Variants in PRKG1 observed in about 807,000 individuals in gnomAD.
PRKG1 encodes the protein protein kinase cGMP-dependent 1.
PRKG1 carries 35 observed loss-of-function variants against 88.1 expected under a neutral mutation model. The observed-to-expected ratio is 0.40, with a 90% CI of 0.30 to 0.53. The LOEUF is 0.53. Among genes scored for constraint, PRKG1 ranks in the 20% least tolerant of loss-of-function variants. The pLI is 0.59. For synonymous variants in PRKG1, 303 were observed against 292.5 expected (o/e 1.04, Z -0.37); for missense variants, 540 against 839.8 (o/e 0.64, Z 4.41).
chr10:51,766,230 C>T (rs182815703), intron 3 of PRKG1, among the ~76,000 whole-genome samples: 35 of 152,184 alleles, frequency 2.3e-4, no homozygotes, highest in Middle Eastern at 3.4e-3. Context: ...TTAAATACGA[C>T]GCTTTTATAA....
At chr10:51,973,575 A>G (rs769171758) in intron 5 of PRKG1, among the ~76,000 whole-genome samples, 78 of 152,154 alleles carry the variant, frequency 5.1e-4, no homozygotes, top group Non-Finnish European at 7.1e-4. Flanking sequence ...ATTAGTTGCA[A>G]TGTTCCTCCA....
At chr10:52,269,666 T>G (rs986235280) in intron 10 of PRKG1, among the ~76,000 whole-genome samples, 1 of 152,136 alleles carries the variant, frequency 6.6e-6, no homozygotes, top group Non-Finnish European at 1.5e-5. Flanking sequence ...GCATGCCATG[T>G]TATTTCCCCA....
At chr10:51,246,245 C>T (rs894529136) in intron 2 of PRKG1, among the ~76,000 whole-genome samples, 3 of 151,988 alleles carry the variant, frequency 2.0e-5, no homozygotes, top group East Asian at 1.9e-4. Context: ...CATTTATAAA[C>T]GAGTCCAAAG....
intron 9 of PRKG1, among the ~76,000 whole-genome samples, chr10:52,239,152 C>G (rs1287282288): frequency 4.4e-4 from 44 of 100,722 alleles, no homozygotes; most frequent in South Asian, 2.4e-3. Flanking sequence ...AGGGGAATAT[C>G]ACACTCTGGG....
At chr10:51,663,510 G>A (rs575826943) in intron 3 of PRKG1, among the ~76,000 whole-genome samples, 15 of 151,496 alleles carry the variant, frequency 9.9e-5, no homozygotes, top group Admixed American at 2.6e-4. Flanking sequence ...TTTAAGAGCC[G>A]CTTGGACAAC....
At chr10:51,398,993 G>A (rs7073390) in intron 2 of PRKG1, among the ~76,000 whole-genome samples, 36,211 of 151,988 alleles carry the variant, frequency 0.24, 4,743 homozygotes, top group African/African-American at 0.32. Flanking sequence ...GATTCAGACT[G>A]CAACTATACC....
chr10:51,628,117 T>TCC lies in PRKG1; in HGVS notation c.592+160281_592+160282insCC, dbSNP rs1589143200. The stretch of plus-strand genomic sequence containing the variant: ...CCTTCCCTTTCTTTCTTTCCTTCTT[T>TCC]ATTTCTCTTTCTTTCTTTCTTTCTT... On this transcript the variant is annotated intron_variant, in intron 3 of 17. Coordinates refer to ENST00000373980, the MANE Select transcript of PRKG1 (RefSeq NM_006258.4). Among the ~76,000 whole-genome samples the TCC allele has an allele frequency of 3.2e-5, 4 of 125,048 alleles. No individual in the cohort carries two copies. The East Asian group carries it at 6.8e-4, about 21-fold the overall frequency. The allele number at this position is 125,048 out of a possible 152,430, so 82.0% of individuals were successfully genotyped here.
intron 2 of PRKG1, among the ~76,000 whole-genome samples, chr10:51,397,588 C>T (rs1478420426): frequency 2.0e-5 from 3 of 152,120 alleles, no homozygotes; most frequent in Admixed American, 2.0e-4. Context: ...TTTTTTCTGA[C>T]CTCCTTTGAC....
At chr10:51,882,167 C>A (rs1227998769) in intron 4 of PRKG1, among the ~76,000 whole-genome samples, 1 of 152,158 alleles carries the variant, frequency 6.6e-6, no homozygotes, top group Non-Finnish European at 1.5e-5. Context: ...AACTTAGGAA[C>A]AAAAGGAGCT....
intron 9 of PRKG1, among the ~76,000 whole-genome samples, chr10:52,192,221 TA>T (rs1012530171): frequency 1.3e-5 from 2 of 152,154 alleles, no homozygotes; most frequent in Non-Finnish European, 2.9e-5. Context: ...TAGTTGCCAG[TA>T]ACTCCCTTGT....
chr10:51,950,594 T>A (rs1843158951), intron 5 of PRKG1, among the ~76,000 whole-genome samples: 1 of 152,246 alleles, frequency 6.6e-6, no homozygotes, highest in African/African-American at 2.4e-5. Context: ...GCAAGCTTCA[T>A]GTGGGGCCTG....
intron 3 of PRKG1, among the ~76,000 whole-genome samples, chr10:51,706,769 A>G (rs183125247): frequency 5.9e-5 from 9 of 152,278 alleles, no homozygotes; most frequent in Admixed American, 3.9e-4. Flanking sequence ...CATTGTACAA[A>G]TTACTTCGCC....
chr10:51,229,934 A>AG (rs1838793181), intron 2 of PRKG1, among the ~76,000 whole-genome samples: 1 of 141,112 alleles, frequency 7.1e-6, no homozygotes, highest in Middle Eastern at 3.3e-3. Context: ...CTCAAAAAAA[A>AG]AAAAAAAAAA....
intron 9 of PRKG1, among the ~76,000 whole-genome samples, chr10:52,229,242 A>G (rs1233139684): frequency 6.6e-6 from 1 of 152,258 alleles, no homozygotes; most frequent in African/African-American, 2.4e-5. Flanking sequence ...TTATCAAAAG[A>G]GTATTCAAAA....
chr10:51,737,540 G>C (rs1837310604), intron 3 of PRKG1, among the ~76,000 whole-genome samples: 1 of 151,932 alleles, frequency 6.6e-6, no homozygotes, highest in Non-Finnish European at 1.5e-5. Flanking sequence ...GGTGTCGAAG[G>C]AATGACTGGA....
chr10:51,461,221 T>C (rs1588980701), intron 2 of PRKG1, among the ~76,000 whole-genome samples: 4 of 152,296 alleles, frequency 2.6e-5, no homozygotes, highest in African/African-American at 9.6e-5. Context: ...TTCACTCATG[T>C]AGCTTCAACC....
At chr10:51,956,894 G>A (rs917158959) in intron 5 of PRKG1, among the ~76,000 whole-genome samples, 1 of 152,038 alleles carries the variant, frequency 6.6e-6, no homozygotes, top group Non-Finnish European at 1.5e-5. Flanking sequence ...CCTGAAATGT[G>A]AGAACTCAGA....
chr10:51,589,424 G>C (rs1589111104), intron 3 of PRKG1, among the ~76,000 whole-genome samples: 1 of 152,222 alleles, frequency 6.6e-6, no homozygotes, highest in South Asian at 2.1e-4. Flanking sequence ...AGGTTTTTGA[G>C]ACCAACCTAG....
At chr10:52,180,674 G>C (rs1398912574) in intron 9 of PRKG1, among the ~76,000 whole-genome samples, 1 of 152,176 alleles carries the variant, frequency 6.6e-6, no homozygotes, top group Non-Finnish European at 1.5e-5. Flanking sequence ...TAGTATCTTA[G>C]TGGCCTAGGC....
Sources: allele counts gnomAD v4.1 joint callset (sites outside exome capture counted in the v4.1 genomes callset), GRCh38; gene constraint gnomAD v4.1.1; transcripts MANE v1.5; gene names NCBI Gene and HGNC (gene_info 2026-07-23, HGNC 2026-07-21).